COPS8: variants seen among roughly 807,000 people sequenced by gnomAD.
The protein encoded by COPS8 is COP9 signalosome complex subunit 8.
A neutral mutation model predicts 31.5 loss-of-function variants in COPS8; 11 were observed. The observed-to-expected ratio is 0.35, with a 90% CI of 0.22 to 0.58. COPS8 has a LOEUF of 0.58. COPS8 is among the 20% of genes least tolerant of loss of function. The pLI is 0.83. For synonymous variants in COPS8, 81 were observed against 89.3 expected (o/e 0.91, Z 0.52); for missense variants, 215 against 255.1 (o/e 0.84, Z 1.07).
At chr2:237,089,237 A>T (rs150929510) in intron 3 of COPS8, among the ~76,000 whole-genome samples, 3 of 152,324 alleles carry the variant, frequency 2.0e-5, no homozygotes, top group African/African-American at 7.2e-5. Flanking sequence ...CCAAGAATTC[A>T]TCTAAACTTT....
intron 3 of COPS8, among the ~76,000 whole-genome samples, chr2:237,089,260 T>C (rs527661900): frequency 1.8e-4 from 27 of 152,358 alleles, no homozygotes; most frequent in African/African-American, 6.5e-4. Context: ...TTTATTGATA[T>C]TCATCAAGAG....
chr2:237,086,126 G>GA, intron 1 of COPS8, 84 bp downstream of exon 1: 1 of 1,306,370 alleles, frequency 7.7e-7, no homozygotes, highest in Non-Finnish European at 1.1e-6. Flanking sequence ...AACGGGGTCT[G>GA]AGGCTAGCGG....
At chr2:237,087,092 G>GGTGTT in intron 1 of COPS8, 35 bp from the exon 2 acceptor site, 1 of 1,413,516 alleles carries the variant, frequency 7.1e-7, no homozygotes. Flanking sequence ...AAAATTTTGT[G>GGTGTT]TTGTTTTGTT....
chr2:237,095,492 G>A (rs1696783571), intron 5 of COPS8, among the ~76,000 whole-genome samples: 2 of 152,046 alleles, frequency 1.3e-5, no homozygotes, highest in South Asian at 4.2e-4. Context: ...TGATATGATG[G>A]TCACAAAAGG....
rs1469437804 is a variant in COPS8, at chr2:237,099,767, G to C, written c.*2025G>C. ...GGAATCAGAACTTATTTGCAAAACA[G>C]CTAATAGTTCCAGGGCAGTAAGTGT... On this transcript the variant is annotated 3_prime_UTR_variant, in exon 8 of 8. Coordinates refer to ENST00000354371, the MANE Select transcript of COPS8 (RefSeq NM_006710.5). 6.6e-6 allele frequency: 1 copy of C among 152,124 alleles called. No homozygotes were observed. The highest frequency in any genetic ancestry group is 1.5e-5 in the Non-Finnish European group (1 of 68,028). 9.4% of individuals were successfully genotyped at this position (152,124 alleles called of 1,614,324 possible). A position where few individuals can be genotyped will look rare whatever the true frequency, so the allele number is the denominator to read the frequency against.
rs1156496827 is a variant in COPS8, at chr2:237,098,657, T to G, written c.*915T>G. 1 of 152,246 alleles carries G rather than the reference T, an allele frequency of 6.6e-6. No individual in the cohort carries two copies. Among genetic ancestry groups the G allele is most frequent in the Non-Finnish European group, 1.5e-5 (1 of 68,034 alleles). 9.4% of individuals were successfully genotyped at this position (152,246 alleles called of 1,614,324 possible). ...ATAACAGCCCTTAGTTCATTTACTCTGCATTTGTTCAATAAATATTTAACT... is the reference window on the plus strand; with the variant it reads ...ATAACAGCCCTTAGTTCATTTACTCGGCATTTGTTCAATAAATATTTAACT... On this transcript the variant is annotated 3_prime_UTR_variant, in exon 8 of 8. Transcript: ENST00000354371.
Position 237,088,669 on chromosome 2 carries a change from A to G in COPS8, c.198+16A>G, listed in dbSNP as rs1250162257. ...TATAAAATCTGTAAGTATCCTTTAA[A>G]CCTATTTTACTGCTTTAATGTAATG... is the stretch of plus-strand genomic sequence containing the variant. On this transcript the variant is annotated intron_variant, in intron 3 of 7. Coordinates refer to ENST00000354371, the MANE Select transcript of COPS8 (RefSeq NM_006710.5). 1 of 1,522,562 alleles carries G rather than the reference A, an allele frequency of 6.6e-7. No homozygotes were observed. Among genetic ancestry groups the G allele is most frequent in the Non-Finnish European group, 9.0e-7 (1 of 1,108,082 alleles). 94.3% of individuals were successfully genotyped at this position (1,522,562 alleles called of 1,614,324 possible). A position where few individuals can be genotyped will look rare whatever the true frequency, so the allele number is the denominator to read the frequency against.
rs770943857 is a variant in COPS8, at chr2:237,089,879, G to A, written c.216G>A (p.Gly72=). 6.2e-7 allele frequency: 1 copy of A among 1,612,506 alleles called. No individual in the cohort carries two copies. Among genetic ancestry groups the A allele is most frequent in the Non-Finnish European group, 8.5e-7 (1 of 1,179,766 alleles). The change falls in exon 4 of 8, where the codon GGG becomes GGA. Residue 72 remains glycine, a synonymous_variant. Transcript: ENST00000354371. Reference sequence around the variant, plus strand: ...TATTGCAGGCAAATTCTGAACTTGGGGGAATTTGGTCAGTAGGACAAAGAA... The same window carrying A: ...TATTGCAGGCAAATTCTGAACTTGGAGGAATTTGGTCAGTAGGACAAAGAA... ...PAIKSANSEL[G]GIWSVGQRIW...
chr2:237,086,427 C>A (rs986439183), intron 1 of COPS8, among the ~76,000 whole-genome samples: 34 of 152,116 alleles, frequency 2.2e-4, no homozygotes, highest in African/African-American at 7.7e-4. Context: ...GCAACTCACA[C>A]GCACACCAAG....
chr2:237,097,320 C>T (rs75259854), intron 7 of COPS8, among the ~76,000 whole-genome samples: 6,690 of 144,790 alleles, frequency 0.046, 164 homozygotes, highest in Middle Eastern at 0.086. Flanking sequence ...TTTAATGTTG[C>T]ATGGGTAAGG....
chr2:237,085,909 G>A lies in COPS8; in HGVS notation c.-56G>A. 6.5e-7 allele frequency: 1 copy of A among 1,544,800 alleles called. No homozygotes were observed. Among genetic ancestry groups the A allele is most frequent in the South Asian group, 1.2e-5 (1 of 86,762 alleles). On this transcript the variant is annotated 5_prime_UTR_variant, in exon 1 of 8. Coordinates refer to ENST00000354371, the MANE Select transcript of COPS8 (RefSeq NM_006710.5). ...ACGTCATCGCGGGCGCGACGCCTGAGGGACAGTCTGGGGTTTGGCTGTCCG... is the reference window on the plus strand; with the variant it reads ...ACGTCATCGCGGGCGCGACGCCTGAAGGACAGTCTGGGGTTTGGCTGTCCG...
intron 1 of COPS8, chr2:237,086,697 A>T (rs771996059): frequency 9.2e-5 from 60 of 652,260 alleles, no homozygotes; most frequent in Non-Finnish European, 1.1e-4. Flanking sequence ...TTGTCTTTGC[A>T]ACGCAGCTGT....
At chr2:237,090,102 T>C in intron 4 of COPS8, 108 bp downstream of exon 4, 2 of 1,142,594 alleles carry the variant, frequency 1.8e-6, no homozygotes, top group Non-Finnish European at 1.2e-6. Flanking sequence ...ATATTTTTGA[T>C]AGGTGAAAAG....
At chr2:237,097,072 C>T (rs1696816171) in intron 7 of COPS8, among the ~76,000 whole-genome samples, 1 of 152,212 alleles carries the variant, frequency 6.6e-6, no homozygotes, top group Non-Finnish European at 1.5e-5. Flanking sequence ...GCGGTGCCCT[C>T]CTCTGGGCCA....
At chr2:237,087,932 T>C (rs552820575) in intron 2 of COPS8, among the ~76,000 whole-genome samples, 5 of 139,852 alleles carry the variant, frequency 3.6e-5, no homozygotes, top group African/African-American at 1.4e-4. Flanking sequence ...AGACCCTGTC[T>C]CAAAAGGAAA....
chr2:237,086,105 G>A, intron 1 of COPS8, 63 bp downstream of exon 1: 2 of 1,454,068 alleles, frequency 1.4e-6, no homozygotes, highest in Non-Finnish European at 1.9e-6. Flanking sequence ...GGCGGCACCA[G>A]TTTCCAGGGT....
chr2:237,087,427 C>T (rs1203353227), intron 2 of COPS8: 2 of 510,198 alleles, frequency 3.9e-6, no homozygotes, highest in Non-Finnish European at 3.6e-6. Flanking sequence ...TGACAAATTA[C>T]GTCAGTAAAT....
rs1296354742 is a variant in COPS8, at chr2:237,098,763, T to C, written c.*1021T>C. 1 of 152,236 alleles carries C rather than the reference T, an allele frequency of 6.6e-6. No homozygotes were observed. Among genetic ancestry groups the C allele is most frequent in the Admixed American group, 6.5e-5 (1 of 15,286 alleles). 9.4% of individuals were successfully genotyped at this position (152,236 alleles called of 1,614,324 possible). ...TCTGTGGACACAATCTATTTTGTCA[T>C]TGTGTCTATATGAATCTCTTAAGTA... On this transcript the variant is annotated 3_prime_UTR_variant, in exon 8 of 8. Coordinates refer to ENST00000354371, the MANE Select transcript of COPS8 (RefSeq NM_006710.5).
intron 1 of COPS8, 61 bp from the exon 2 acceptor site, chr2:237,087,066 G>T: frequency 9.5e-7 from 1 of 1,056,042 alleles, no homozygotes; most frequent in South Asian, 1.5e-5. Context: ...AAAGTTAAAG[G>T]GTAAATGAGG....
Sources: gnomAD v4.1 joint callset for allele counts (sites outside exome capture counted in the v4.1 genomes callset) on GRCh38, gnomAD v4.1.1 for gene constraint, MANE v1.5 for transcripts, NCBI Gene and HGNC (gene_info 2026-07-23, HGNC 2026-07-21) for gene names.